ADAMTS3: variants seen among roughly 807,000 people sequenced by gnomAD.
ADAMTS3 encodes the protein ADAM metallopeptidase with thrombospondin type 1 motif 3.
A neutral mutation model predicts 129.0 loss-of-function variants in ADAMTS3; 73 were observed. The ratio of observed to expected loss-of-function variants is 0.57; its 90% CI spans 0.47 to 0.69. The LOEUF (loss-of-function observed/expected upper bound fraction) is 0.69, where lower values mean the gene tolerates loss of function less well. Ranked by LOEUF, ADAMTS3 falls within the 30% of genes least tolerant of loss-of-function variation. The pLI is 0.00. For synonymous variants in ADAMTS3, 477 were observed against 510.8 expected (o/e 0.93, Z 0.89); for missense variants, 1,457 against 1,514.5 (o/e 0.96, Z 0.63).
In ADAMTS3 at chr4:72,281,530, A is replaced by C. The variant is rs1336528517; in HGVS notation, c.*1606T>G. 6.6e-6 allele frequency: 1 copy of C among 152,222 alleles called. No homozygotes were observed. The highest frequency in any genetic ancestry group is 1.9e-4 in the East Asian group (1 of 5,196). The allele number at this position is 152,222 out of a possible 1,614,324, so 9.4% of individuals were successfully genotyped here. A position where few individuals can be genotyped will look rare whatever the true frequency, so the allele number is the denominator to read the frequency against. On this transcript the variant is annotated 3_prime_UTR_variant, in exon 22 of 22. Transcript: ENST00000286657. ...CACTTATCTCTTTCAAAAACTTTTA[A>C]AAATGTTTCTAATTCACAATTTCAT...
At chr4:72,373,102 TA>T (rs1721051208) in intron 4 of ADAMTS3, among the ~76,000 whole-genome samples, 1 of 152,176 alleles carries the variant, frequency 6.6e-6, no homozygotes. Context: ...AAGGTAATTT[TA>T]AAAAATTACA....
chr4:72,285,882 A>G (rs1718493291), intron 21 of ADAMTS3, among the ~76,000 whole-genome samples: 2 of 152,156 alleles, frequency 1.3e-5, no homozygotes, highest in Admixed American at 1.3e-4. Context: ...TCCACCCCCA[A>G]ATCATTATAA....
intron 3 of ADAMTS3, among the ~76,000 whole-genome samples, chr4:72,528,958 C>T (rs1050340135): frequency 2.6e-5 from 4 of 151,968 alleles, no homozygotes; most frequent in Admixed American, 6.6e-5. Flanking sequence ...ACTTGAGATG[C>T]CAATAATGGC....
chr4:72,411,088 TAAAA>T (rs531348593), intron 4 of ADAMTS3, among the ~76,000 whole-genome samples: 1 of 152,238 alleles, frequency 6.6e-6, no homozygotes, highest in South Asian at 2.1e-4. Context: ...ATTTTTGACT[TAAAA>T]AAACATATTT....
chr4:72,371,571 ACT>A (rs1290751854), intron 4 of ADAMTS3, among the ~76,000 whole-genome samples: 3 of 151,774 alleles, frequency 2.0e-5, no homozygotes, highest in Non-Finnish European at 2.9e-5. Context: ...AGATTAAAAA[ACT>A]CAACCCACTG....
At chr4:72,511,277 G>A (rs528344522) in intron 3 of ADAMTS3, among the ~76,000 whole-genome samples, 5 of 152,134 alleles carry the variant, frequency 3.3e-5, no homozygotes, top group African/African-American at 1.2e-4. Flanking sequence ...ATGGACAAAT[G>A]GGATCACATC....
intron 4 of ADAMTS3, among the ~76,000 whole-genome samples, chr4:72,413,106 A>C (rs1722220846): frequency 6.6e-6 from 1 of 151,974 alleles, no homozygotes; most frequent in Non-Finnish European, 1.5e-5. Flanking sequence ...CTTCTTATAA[A>C]TATCAGACTA....
chr4:72,474,752 C>A (rs913433179), intron 3 of ADAMTS3, among the ~76,000 whole-genome samples: 1 of 152,228 alleles, frequency 6.6e-6, no homozygotes, highest in African/African-American at 2.4e-5. Flanking sequence ...CTAGGCCGGG[C>A]GCTGTGGCTC....
intron 14 of ADAMTS3, 42 bp from the exon 15 acceptor site, chr4:72,309,562 C>T (rs762088609): frequency 3.1e-6 from 5 of 1,602,792 alleles, no homozygotes; most frequent in East Asian, 4.5e-5. Flanking sequence ...TTTAGTGTGC[C>T]CAGTAGTGGT....
chr4:72,470,376 T>C (rs13128909), intron 3 of ADAMTS3, among the ~76,000 whole-genome samples: 30,155 of 137,866 alleles, frequency 0.22, 3,852 homozygotes, highest in Non-Finnish European at 0.28. Flanking sequence ...TATATATATA[T>C]ACACACACAC....
rs1210942206 is a variant in ADAMTS3, at chr4:72,295,560, C to T, written c.2723+94G>A. On this transcript the variant is annotated intron_variant, in intron 19 of 21. Coordinates refer to ENST00000286657, the MANE Select transcript of ADAMTS3 (RefSeq NM_014243.3). ...CTATTTAAACCATGTCTATATAGAG[C>T]TTTGACTGAAAATAAAATCAAAACT... The T allele has an allele frequency of 2.2e-6, 3 of 1,358,974 alleles. No homozygotes were observed. In the African/African-American group the frequency reaches 4.4e-5, roughly 20 times the overall value. The allele number at this position is 1,358,974 out of a possible 1,614,324, so 84.2% of individuals were successfully genotyped here. A position where few individuals can be genotyped will look rare whatever the true frequency, so the allele number is the denominator to read the frequency against.
At position 72,522,450 on chromosome 4, in the gene ADAMTS3, G is replaced by T. The variant is rs553359862; in HGVS notation, c.504+26028C>A. Among the ~76,000 whole-genome samples, 22 of 152,252 alleles carry T rather than the reference G, an allele frequency of 1.4e-4. No homozygotes were observed. The South Asian group carries it at 3.7e-3, about 26-fold the overall frequency. On this transcript the variant is annotated intron_variant, in intron 3 of 21. Transcript: ENST00000286657. ...ATCCTGGTTACAATCCTCATGAGAT[G>T]ACAGATCCTTGCTTGTTGAGGACAC...
intron 1 of ADAMTS3, among the ~76,000 whole-genome samples, chr4:72,568,388 G>T (rs1048969367): frequency 6.6e-6 from 1 of 152,264 alleles, no homozygotes. Flanking sequence ...CAGATGGCCC[G>T]GCGAGGATGG....
At chr4:72,435,702 C>T (rs1722803977) in intron 3 of ADAMTS3, among the ~76,000 whole-genome samples, 1 of 151,820 alleles carries the variant, frequency 6.6e-6, no homozygotes, top group Non-Finnish European at 1.5e-5. Context: ...TAATACCACA[C>T]ATCTACAACC....
intron 4 of ADAMTS3, among the ~76,000 whole-genome samples, chr4:72,407,888 C>T (rs13112404): frequency 0.63 from 96,016 of 151,830 alleles, 30,874 homozygotes; most frequent in South Asian, 0.79. Context: ...TTGTTTATGA[C>T]AATCTCAATA....
chr4:72,465,141 G>A (rs1718885354), intron 3 of ADAMTS3, among the ~76,000 whole-genome samples: 2 of 152,010 alleles, frequency 1.3e-5, no homozygotes, highest in South Asian at 2.1e-4. Context: ...TGGGTCCTGG[G>A]AAGATCTGAG....
At chr4:72,337,571 A>C (rs1720022948) in intron 5 of ADAMTS3, among the ~76,000 whole-genome samples, 1 of 152,182 alleles carries the variant, frequency 6.6e-6, no homozygotes, top group South Asian at 2.1e-4. Context: ...TGTAATGATG[A>C]AAACTAAGTC....
chr4:72,382,947 G>A (rs893013013), intron 4 of ADAMTS3, among the ~76,000 whole-genome samples: 9 of 152,082 alleles, frequency 5.9e-5, no homozygotes, highest in South Asian at 2.1e-4. Flanking sequence ...GGAGTGATGA[G>A]TTCACTGGAA....
intron 21 of ADAMTS3, among the ~76,000 whole-genome samples, chr4:72,284,043 A>C (rs1718433652): frequency 6.6e-6 from 1 of 152,198 alleles, no homozygotes; most frequent in Non-Finnish European, 1.5e-5. Flanking sequence ...TTAAATTTTT[A>C]GGATGCAAAG....
Sources: allele counts gnomAD v4.1 joint callset (sites outside exome capture counted in the v4.1 genomes callset), GRCh38; gene constraint gnomAD v4.1.1; transcripts MANE v1.5; gene names NCBI Gene and HGNC (gene_info 2026-07-23, HGNC 2026-07-21).